CCDC66: variants seen among roughly 807,000 people sequenced by gnomAD.
CCDC66 encodes the protein coiled-coil domain containing 66.
CCDC66 carries 133 observed loss-of-function variants against 128.3 expected under a neutral mutation model. The ratio of observed to expected loss-of-function variants is 1.04; its 90% CI spans 0.90 to 1.20. The LOEUF (loss-of-function observed/expected upper bound fraction) is 1.20, where lower values mean the gene tolerates loss of function less well. Among genes scored for constraint, CCDC66 ranks in the 50% most tolerant of loss-of-function variants. The pLI, the probability that CCDC66 is intolerant of heterozygous loss-of-function variation, is 0.00. For missense variants in CCDC66, 1,126 were observed against 1,075.5 expected (o/e 1.05, Z -0.66); for synonymous variants, 387 against 357.0 (o/e 1.08, Z -0.95).
In CCDC66 at chr3:56,593,966, C is replaced by T. The variant is rs750520218; in HGVS notation, c.1342C>T (p.Leu448Phe). 2 of 1,614,024 alleles carry T rather than the reference C, an allele frequency of 1.2e-6. No homozygotes were observed. The highest frequency in any genetic ancestry group is 1.3e-5 in the African/African-American group (1 of 74,894). Residue 448 changes from leucine to phenylalanine, a missense_variant, in exon 10 of 18, where the codon CTC becomes TTC. Leu to Phe is a conservative substitution (Grantham distance 22). Coordinates refer to ENST00000394672, the MANE Select transcript of CCDC66 (RefSeq NM_001141947.3). ...KTNFLRSMTA[L>F]LDPAQIEERD... is the part of the protein sequence containing the mutation. ...CAGCTTTCTCCGTTCTATGACTGCTCTCTTGGACCCAGCTCAGATTGAGGA... is the reference window on the plus strand; with the variant it reads ...CAGCTTTCTCCGTTCTATGACTGCTTTCTTGGACCCAGCTCAGATTGAGGA...
rs12833 is a variant in CCDC66 at position 56,620,474 on chromosome 3, G to A, written c.2760+573G>A. ...GCTTTAAAAAGAATGGCTGTAGTTA[G>A]TTTTGATTCACTATATACTCTCTGT... On this transcript the variant is annotated intron_variant, in intron 17 of 17. Coordinates refer to ENST00000394672, the MANE Select transcript of CCDC66 (RefSeq NM_001141947.3). The A allele has an allele frequency of 8.7e-3, 1,330 of 152,498 alleles. 13 individuals are homozygous for A. The highest frequency in any genetic ancestry group is 0.013 in the Non-Finnish European group (909 of 68,168). 9.4% of individuals were successfully genotyped at this position (152,498 alleles called of 1,614,324 possible). A position where few individuals can be genotyped will look rare whatever the true frequency, so the allele number is the denominator to read the frequency against.
At chr3:56,595,624 C>T (rs994380906) in intron 10 of CCDC66, among the ~76,000 whole-genome samples, 1 of 152,164 alleles carries the variant, frequency 6.6e-6, no homozygotes, top group African/African-American at 2.4e-5. Context: ...GTATATACCA[C>T]ATTTTGTTTA....
chr3:56,615,184 A>G lies in CCDC66; in HGVS notation c.1623A>G (p.Glu541=). 6.2e-7 allele frequency: 1 copy of G among 1,614,176 alleles called. No individual in the cohort carries two copies. Among genetic ancestry groups the G allele is most frequent in the Non-Finnish European group, 8.5e-7 (1 of 1,179,998 alleles). ...ELFQTMQRAQ[E]LAQRLKQEQR... is the part of the protein sequence containing the mutation. Reference sequence around the variant, plus strand: ...TCCAGACAATGCAGCGAGCACAGGAACTGGCACAGAGACTAAAACAAGAAC... The same window carrying G: ...TCCAGACAATGCAGCGAGCACAGGAGCTGGCACAGAGACTAAAACAAGAAC... Residue 541 remains glutamate (E), a synonymous_variant, in exon 12 of 18, where the codon GAA becomes GAG. Transcript: ENST00000394672.
chr3:56,602,874 A>C (rs1230992676), intron 10 of CCDC66, among the ~76,000 whole-genome samples: 3 of 134,644 alleles, frequency 2.2e-5, no homozygotes, highest in Non-Finnish European at 3.1e-5. Context: ...TTGCTCTGTC[A>C]CCCAGGCTGG....
At chr3:56,594,132 A>AG in intron 10 of CCDC66, 104 bp downstream of exon 10, 1 of 1,010,172 alleles carries the variant, frequency 9.9e-7, no homozygotes, top group Non-Finnish European at 1.6e-6. Context: ...ACTTTACAGC[A>AG]TAGGTCCTGT....
intron 7 of CCDC66, among the ~76,000 whole-genome samples, chr3:56,586,773 A>G (rs1559680226): frequency 6.6e-6 from 1 of 151,682 alleles, no homozygotes; most frequent in Non-Finnish European, 1.5e-5. Context: ...TGGGCTGGAT[A>G]CAGTGGCTCA....
chr3:56,594,661 C>T (rs762942738), intron 10 of CCDC66, among the ~76,000 whole-genome samples: 12 of 149,044 alleles, frequency 8.1e-5, no homozygotes, highest in South Asian at 4.2e-4. Context: ...CCAGCCTGGG[C>T]GACAGAGTGA....
intron 13 of CCDC66, 88 bp downstream of exon 13, chr3:56,616,141 A>G (rs1313478184): frequency 7.3e-6 from 9 of 1,227,950 alleles, no homozygotes; most frequent in Non-Finnish European, 3.4e-6. Context: ...TAAAAGTTCA[A>G]AAATTAACAA....
chr3:56,616,054 G>A lies in CCDC66; in HGVS notation c.1843+1G>A, dbSNP rs376601565. On this transcript the variant is annotated splice_donor_variant, in intron 13 of 17. Transcript: ENST00000394672. LOFTEE classifies it high-confidence loss of function. ...AAGAAGGATACTGGTGTGCAAACAG[G>A]TATTTGTGTGGAAATTGTGGTTTGG... 3.8e-6 allele frequency: 6 copies of A among 1,578,244 alleles called. No homozygotes were observed. The highest frequency in any genetic ancestry group is 5.1e-6 in the Non-Finnish European group (6 of 1,166,002).
At chr3:56,564,470 T>C (rs993075156) in intron 4 of CCDC66, among the ~76,000 whole-genome samples, 4 of 152,202 alleles carry the variant, frequency 2.6e-5, no homozygotes, top group African/African-American at 9.6e-5. Context: ...CAAATTACGG[T>C]ATTTCCAGTG....
Position 56,566,757 on chromosome 3 carries a change from C to T in CCDC66, c.708C>T (p.Ala236=), listed in dbSNP as rs1479235339. The change falls in exon 5 of 18, where the codon GCC becomes GCT. Residue 236 remains alanine, a splice_region_variant and synonymous_variant. Transcript: ENST00000394672. ...ETSKQCEQKI[A]IENEWKPADI... Reference sequence around the variant, plus strand: ...CTAAACAGTGTGAGCAAAAAATTGCCATGTATGTAACTCCTATCTGTTGTT... The same window carrying T: ...CTAAACAGTGTGAGCAAAAAATTGCTATGTATGTAACTCCTATCTGTTGTT... 1.9e-6 allele frequency: 3 copies of T among 1,608,876 alleles called. No individual in the cohort carries two copies. The highest frequency in any genetic ancestry group is 2.5e-6 in the Non-Finnish European group (3 of 1,177,440).
intron 7 of CCDC66, among the ~76,000 whole-genome samples, chr3:56,575,301 T>C (rs2067207183): frequency 6.6e-6 from 1 of 151,832 alleles, no homozygotes; most frequent in Non-Finnish European, 1.5e-5. Context: ...GGTTGTGAAA[T>C]GGTATCATTG....
At chr3:56,575,082 G>A (rs2067176135) in intron 7 of CCDC66, among the ~76,000 whole-genome samples, 1 of 151,486 alleles carries the variant, frequency 6.6e-6, no homozygotes, top group African/African-American at 2.4e-5. Flanking sequence ...AGGATTGTGT[G>A]GTAATTTTTT....
At chr3:56,571,696 A>G (rs1233387886) in intron 7 of CCDC66, among the ~76,000 whole-genome samples, 1 of 152,076 alleles carries the variant, frequency 6.6e-6, no homozygotes, top group Non-Finnish European at 1.5e-5. Context: ...AAAACTTGTC[A>G]TATTTTTGGG....
intron 2 of CCDC66, 68 bp downstream of exon 2, chr3:56,558,978 A>G (rs567710737): frequency 9.7e-5 from 112 of 1,160,320 alleles, no homozygotes; most frequent in South Asian, 4.9e-4. Context: ...TATTAGTTCA[A>G]CAGACTTTTT....
intron 10 of CCDC66, among the ~76,000 whole-genome samples, chr3:56,596,545 G>C (rs1456850491): frequency 1.4e-5 from 2 of 142,676 alleles, no homozygotes; most frequent in Non-Finnish European, 3.2e-5. Flanking sequence ...TTCAAACTGG[G>C]GGACAGACTG....
At chr3:56,579,332 A>G (rs1394517769) in intron 7 of CCDC66, among the ~76,000 whole-genome samples, 2 of 151,556 alleles carry the variant, frequency 1.3e-5, no homozygotes, top group Non-Finnish European at 2.9e-5. Context: ...TGGTCTATCA[A>G]TTTTGTTGAT....
chr3:56,569,240 A>C (rs1366374669), intron 6 of CCDC66: 1 of 186,256 alleles, frequency 5.4e-6, no homozygotes, highest in East Asian at 1.5e-4. Flanking sequence ...CAAGTGTGTT[A>C]GTCTGTTTTG....
intron 3 of CCDC66, among the ~76,000 whole-genome samples, chr3:56,563,254 A>T (rs531157572): frequency 2.9e-4 from 44 of 152,110 alleles, no homozygotes; most frequent in Non-Finnish European, 5.6e-4. Flanking sequence ...CCAGCTACTC[A>T]GGTGGCTGAG....
Sources: gnomAD v4.1 joint callset for allele counts (sites outside exome capture counted in the v4.1 genomes callset) on GRCh38, gnomAD v4.1.1 for gene constraint, MANE v1.5 for transcripts, NCBI Gene and HGNC (gene_info 2026-07-23, HGNC 2026-07-21) for gene names.